The following CCNB3 variants were observed in gnomAD, a reference collection of about 807,000 sequenced individuals.
The protein encoded by CCNB3 is cyclin B3.
In CCNB3, 12 loss-of-function variants were observed where a neutral mutation model predicts 68.0. The observed-to-expected ratio is 0.18, with a 90% CI of 0.11 to 0.29. The LOEUF (loss-of-function observed/expected upper bound fraction) is 0.29. Among genes scored for constraint, CCNB3 ranks in the 10% least tolerant of loss-of-function variants. CCNB3 has a pLI of 1.00. For synonymous variants in CCNB3, 354 were observed against 388.9 expected (o/e 0.91, Z 1.06); for missense variants, 904 against 993.1 (o/e 0.91, Z 1.21).
At chrX:50,299,858 T>C (rs1557212062) in intron 5 of CCNB3, among the ~76,000 whole-genome samples, 1 of 112,054 alleles carries the variant, frequency 8.9e-6, no homozygotes, top group East Asian at 2.8e-4. Flanking sequence ...TAGTTCTTCT[T>C]GTTGAATTGA....
At chrX:50,346,834 T>C (rs1557220393) in intron 10 of CCNB3, 27 bp downstream of exon 10, 11 of 1,191,454 alleles carry the variant, frequency 9.2e-6, no homozygotes, top group Non-Finnish European at 1.2e-5. Flanking sequence ...ACATCTTCAT[T>C]CTCCCACTGC....
rs752714416 is a variant in CCNB3 at position 50,284,578 on chromosome X, C to G, written c.-76C>G. The G allele has an allele frequency of 8.9e-6, 1 of 112,131 alleles. No homozygotes were observed. The allele number at this position is 112,131 out of a possible 1,213,427, so 9.2% of individuals were successfully genotyped here. ...TGGATTACAGTTTCTTCTGATTGAA[C>G]GCAGCCTTTGAATACTGCCTGGCCT... On this transcript the variant is annotated 5_prime_UTR_variant, in exon 2 of 13. Transcript: ENST00000376042.
intron 4 of CCNB3, among the ~76,000 whole-genome samples, chrX:50,289,799 C>T (rs1386046388): frequency 8.9e-6 from 1 of 111,806 alleles, no homozygotes; most frequent in African/African-American, 3.3e-5. Flanking sequence ...TATGTAGCTA[C>T]CAGAATACTT....
At chrX:50,216,041 C>T (rs1269681886) in intron 1 of CCNB3, among the ~76,000 whole-genome samples, 16 of 102,876 alleles carry the variant, frequency 1.6e-4, no homozygotes, top group Non-Finnish European at 2.4e-4. Context: ...CTCCACCTCC[C>T]GGGTTCAAGT....
intron 1 of CCNB3, among the ~76,000 whole-genome samples, chrX:50,279,674 G>A (rs1377597861): frequency 1.2e-5 from 1 of 85,236 alleles, no homozygotes; most frequent in Non-Finnish European, 2.2e-5. Flanking sequence ...ATATGAATAT[G>A]TACATTCATC....
At chrX:50,320,511 T>C (rs184066375) in intron 8 of CCNB3, among the ~76,000 whole-genome samples, 3 of 110,786 alleles carry the variant, frequency 2.7e-5, no homozygotes, top group Admixed American at 1.9e-4. Flanking sequence ...ATTTTATTCA[T>C]CTTTCCAAAG....
intron 1 of CCNB3, among the ~76,000 whole-genome samples, chrX:50,221,842 G>A (rs1420170447): frequency 1.8e-5 from 2 of 110,984 alleles, no homozygotes; most frequent in East Asian, 2.8e-4. Flanking sequence ...TTTCTCTCTC[G>A]TTGATTTGCC....
In CCNB3 at chrX:50,294,858, TGCAGGC is replaced by T. The variant is rs1557210607; in HGVS notation, c.205-4_206del. 14 of 1,185,301 alleles carry T rather than the reference TGCAGGC, an allele frequency of 1.2e-5. No individual in the cohort carries two copies. The Admixed American group carries it at 1.2e-4, about 10-fold the overall frequency. On this transcript the variant is annotated splice_acceptor_variant and splice_polypyrimidine_tract_variant and coding_sequence_variant and intron_variant, in exon 5 of 13. Transcript: ENST00000376042. LOFTEE classifies it high-confidence loss of function. ...CTGCCCCCCAACCCACCTTTTTTTT[TGCAGGC>T]TTCTCAATGTCAACCTGTCCAGCCC...
At chrX:50,225,495 T>G (rs1397770216) in intron 1 of CCNB3, among the ~76,000 whole-genome samples, 2 of 110,675 alleles carry the variant, frequency 1.8e-5, no homozygotes, top group Non-Finnish European at 3.8e-5. Flanking sequence ...TTTTCCTTCT[T>G]AAAAAGATTG....
At chrX:50,213,941 G>A (rs1458520960) in intron 1 of CCNB3, among the ~76,000 whole-genome samples, 13 of 111,372 alleles carry the variant, frequency 1.2e-4, no homozygotes, top group Non-Finnish European at 2.1e-4. Context: ...ATAATTTGAC[G>A]AACTTGTTCA....
At chrX:50,216,510 C>T (rs989360265) in intron 1 of CCNB3, among the ~76,000 whole-genome samples, 64 of 110,612 alleles carry the variant, frequency 5.8e-4, no homozygotes, top group Non-Finnish European at 1.1e-3. Context: ...CCTCCTGATC[C>T]GCTCGCCTCG....
At chrX:50,324,714 T>C (rs183980523) in intron 8 of CCNB3, among the ~76,000 whole-genome samples, 33 of 112,343 alleles carry the variant, frequency 2.9e-4, no homozygotes, top group African/African-American at 1.0e-3. Context: ...TCTGTTTTAA[T>C]TATTCTTGAC....
At chrX:50,296,159 T>C (rs954145161) in intron 5 of CCNB3, among the ~76,000 whole-genome samples, 78 of 110,194 alleles carry the variant, frequency 7.1e-4, no homozygotes, top group Non-Finnish European at 1.2e-3. Flanking sequence ...ACTTTAAGTT[T>C]TAGGATACAT....
At chrX:50,208,661 G>A (rs1935417440) in intron 1 of CCNB3, among the ~76,000 whole-genome samples, 1 of 111,680 alleles carries the variant, frequency 9.0e-6, no homozygotes, top group African/African-American at 3.3e-5. Context: ...ATCTTGCTAA[G>A]AATTTTGTTT....
chrX:50,342,269 A>G lies in CCNB3; in HGVS notation c.3584A>G (p.Lys1195Arg). The G allele has an allele frequency of 1.7e-6, 2 of 1,209,597 alleles. No homozygotes were observed. Among genetic ancestry groups the G allele is most frequent in the Non-Finnish European group, 2.2e-6 (2 of 894,366 alleles). Residue 1195 changes from lysine to arginine, a missense_variant, in exon 9 of 13, where the codon AAG becomes AGG. Lys to Arg is a conservative substitution (Grantham distance 26). Transcript: ENST00000376042. ...AVKLVDLYLMKAVCKKDKLQL... is the reference protein window; with the variant it reads ...AVKLVDLYLMRAVCKKDKLQL... ...AAGCTGGTGGATCTCTACCTAATGA[A>G]GGCAGTATGCAAGAAGGATAAGTTA...
At chrX:50,221,156 TTC>T (rs1196052962) in intron 1 of CCNB3, among the ~76,000 whole-genome samples, 1 of 111,691 alleles carries the variant, frequency 9.0e-6, no homozygotes, top group Non-Finnish European at 1.9e-5. Flanking sequence ...TGTTTGGTTC[TTC>T]TCTCTTTTCT....
chrX:50,348,695 C>G (rs1923527250), intron 11 of CCNB3, among the ~76,000 whole-genome samples: 1 of 112,731 alleles, frequency 8.9e-6, no homozygotes, highest in African/African-American at 3.2e-5. Flanking sequence ...CCACAACAAC[C>G]CCACATGATA....
intron 1 of CCNB3, among the ~76,000 whole-genome samples, chrX:50,279,849 T>C (rs1392037533): frequency 1.1e-5 from 1 of 87,620 alleles, no homozygotes; most frequent in Non-Finnish European, 2.1e-5. Context: ...TTTATAAATA[T>C]AAAATATATA....
At chrX:50,205,140 A>G (rs1202389916) in intron 1 of CCNB3, among the ~76,000 whole-genome samples, 190 bp downstream of exon 1, 1 of 112,430 alleles carries the variant, frequency 8.9e-6, no homozygotes, top group African/African-American at 3.2e-5. Flanking sequence ...CTGAAAAAAT[A>G]ACCTTTAAAA....
Sources: gnomAD v4.1 joint callset for allele counts (sites outside exome capture counted in the v4.1 genomes callset) on GRCh38, gnomAD v4.1.1 for gene constraint, MANE v1.5 for transcripts, NCBI Gene and HGNC (gene_info 2026-07-23, HGNC 2026-07-21) for gene names.